FER1L6: variants seen among roughly 807,000 people sequenced by gnomAD.
FER1L6 encodes fer-1 like family member 6.
In FER1L6, 177 loss-of-function variants were observed where a neutral mutation model predicts 219.2. The ratio of observed to expected loss-of-function variants is 0.81; its 90% CI spans 0.71 to 0.91. The LOEUF (loss-of-function observed/expected upper bound fraction) is 0.91. Among genes scored for constraint, FER1L6 ranks in the 40% least tolerant of loss-of-function variants. The pLI is 0.00. For missense variants in FER1L6, 2,153 were observed against 2,259.9 expected (o/e 0.95, Z 0.96); for synonymous variants, 768 against 824.3 (o/e 0.93, Z 1.17).
intron 25 of FER1L6, among the ~76,000 whole-genome samples, 174 bp downstream of exon 25, chr8:124,062,206 C>T (rs1820618106): frequency 6.6e-6 from 1 of 152,182 alleles, no homozygotes. Flanking sequence ...CACATTCTTA[C>T]TTTGACTCAC....
intron 1 of FER1L6, among the ~76,000 whole-genome samples, chr8:123,944,184 A>G (rs1454506467): frequency 6.6e-6 from 1 of 152,040 alleles, no homozygotes; most frequent in Non-Finnish European, 1.5e-5. Context: ...TACATGCTCA[A>G]TGAATGGTAG....
intron 22 of FER1L6, among the ~76,000 whole-genome samples, chr8:124,059,726 G>T (rs1413780168): frequency 6.6e-6 from 1 of 152,210 alleles, no homozygotes; most frequent in Non-Finnish European, 1.5e-5. Flanking sequence ...TGTAGTAGTA[G>T]TATTAGTATT....
At chr8:124,091,786 G>A (rs573772960) in intron 34 of FER1L6, among the ~76,000 whole-genome samples, 1 of 151,978 alleles carries the variant, frequency 6.6e-6, no homozygotes, top group African/African-American at 2.4e-5. Flanking sequence ...GGCCAACATG[G>A]TGAAACCCCA....
At chr8:123,914,390 G>A (rs1436553690) in intron 1 of FER1L6, among the ~76,000 whole-genome samples, 1 of 152,242 alleles carries the variant, frequency 6.6e-6, no homozygotes, top group Non-Finnish European at 1.5e-5. Context: ...ATATACGTCA[G>A]TGGGTGGGGA....
chr8:123,931,921 A>T (rs984487417), intron 1 of FER1L6, among the ~76,000 whole-genome samples: 24 of 152,354 alleles, frequency 1.6e-4, no homozygotes, highest in African/African-American at 5.8e-4. Context: ...ATTTTAAAAA[A>T]TATCTTACAA....
At chr8:124,004,677 T>G (rs1173680888) in intron 13 of FER1L6, among the ~76,000 whole-genome samples, 1 of 152,124 alleles carries the variant, frequency 6.6e-6, no homozygotes, top group Non-Finnish European at 1.5e-5. Context: ...CCCACCATTC[T>G]GAGTCCTCCA....
intron 1 of FER1L6, among the ~76,000 whole-genome samples, chr8:123,892,703 G>T (rs752312184): frequency 2.5e-4 from 38 of 152,186 alleles, no homozygotes; most frequent in Non-Finnish European, 2.9e-4. Flanking sequence ...CTAAACAAAT[G>T]ACTATTTTAT....
intron 1 of FER1L6, among the ~76,000 whole-genome samples, chr8:123,904,719 C>T (rs1314309492): frequency 2.0e-5 from 3 of 152,132 alleles, no homozygotes; most frequent in African/African-American, 4.8e-5. Flanking sequence ...GTCTAAGTGG[C>T]CTCTGAGATC....
intron 13 of FER1L6, among the ~76,000 whole-genome samples, chr8:124,009,437 C>A (rs1402006840): frequency 2.6e-5 from 4 of 151,538 alleles, no homozygotes; most frequent in Non-Finnish European, 5.9e-5. Context: ...AGCTGGAGCC[C>A]AGGGGAGGAG....
intron 1 of FER1L6, among the ~76,000 whole-genome samples, chr8:123,872,327 A>G (rs1392535232): frequency 6.6e-6 from 1 of 152,190 alleles, no homozygotes; most frequent in African/African-American, 2.4e-5. Flanking sequence ...TTCTAGTCTC[A>G]TTGTGAGAAA....
rs1311560076 is a variant in FER1L6, at chr8:123,853,601, G to A, written c.-8+1416G>A. On this transcript the variant is annotated intron_variant, in intron 1 of 40. Coordinates refer to ENST00000522917, the MANE Select transcript of FER1L6 (RefSeq NM_001039112.2). The surrounding 1 kb of genome is among the most constrained non-coding windows in gnomAD (Gnocchi z 6.6). ...TATTAATCAGGGGAGATTTTACAAG[G>A]GTGGATGAGTAGAGAAAAAGGGGTA... Among the ~76,000 whole-genome samples, 1 of 152,166 alleles carries A rather than the reference G, an allele frequency of 6.6e-6. No homozygotes were observed. The highest frequency in any genetic ancestry group is 2.1e-4 in the South Asian group (1 of 4,834).
chr8:123,974,835 A>G (rs1446373016), intron 7 of FER1L6, among the ~76,000 whole-genome samples: 1 of 152,042 alleles, frequency 6.6e-6, no homozygotes, highest in East Asian at 1.9e-4. Context: ...AATAATACGT[A>G]TGTGACTTCT....
intron 18 of FER1L6, among the ~76,000 whole-genome samples, chr8:124,027,349 T>C (rs34402561): frequency 0.59 from 89,838 of 151,990 alleles, 27,088 homozygotes; most frequent in African/African-American, 0.67. Flanking sequence ...TTCATCCTAT[T>C]TTTCATTCAT....
At chr8:123,954,273 C>G (rs1038328738) in intron 1 of FER1L6, among the ~76,000 whole-genome samples, 1 of 152,086 alleles carries the variant, frequency 6.6e-6, no homozygotes, top group Non-Finnish European at 1.5e-5. Context: ...CTGGGCCAGT[C>G]CCCCCTTCTG....
rs142128406 is a variant in FER1L6, at chr8:123,915,251, A to G, written c.-7-40741A>G. On this transcript the variant is annotated intron_variant, in intron 1 of 40. Transcript: ENST00000522917. ...ATTGGCCTCACTCACAGACTTGTTTAGGAAGCTCTGCTGGGGTTAAAACTT... is the reference window on the plus strand; with the variant it reads ...ATTGGCCTCACTCACAGACTTGTTTGGGAAGCTCTGCTGGGGTTAAAACTT... Among the ~76,000 whole-genome samples, 161 of 152,272 alleles carry G rather than the reference A, an allele frequency of 1.1e-3. 1 individual carries two copies. The East Asian group carries it at 0.028, about 27-fold the overall frequency.
At chr8:123,903,181 A>C (rs1812890044) in intron 1 of FER1L6, among the ~76,000 whole-genome samples, 1 of 152,226 alleles carries the variant, frequency 6.6e-6, no homozygotes, top group Non-Finnish European at 1.5e-5. Flanking sequence ...TTGCGGCTGC[A>C]GCATTTACAC....
At chr8:124,048,143 G>T (rs901093086) in intron 21 of FER1L6, among the ~76,000 whole-genome samples, 1 of 152,198 alleles carries the variant, frequency 6.6e-6, no homozygotes, top group Admixed American at 6.5e-5. Context: ...TTCAAGTGTG[G>T]TTGAACAAAA....
chr8:124,041,207 C>T (rs1365689180), intron 20 of FER1L6, among the ~76,000 whole-genome samples: 1 of 152,194 alleles, frequency 6.6e-6, no homozygotes, highest in Admixed American at 6.5e-5. Flanking sequence ...AGCTCATCTC[C>T]TCTTTGGCTG....
chr8:124,069,153 GT>G (rs1477256965), intron 28 of FER1L6, among the ~76,000 whole-genome samples: 2 of 151,746 alleles, frequency 1.3e-5, no homozygotes, highest in Non-Finnish European at 2.9e-5. Context: ...AGCCAGGATG[GT>G]CTCGATCTCC....
Sources: allele counts gnomAD v4.1 joint callset (sites outside exome capture counted in the v4.1 genomes callset), GRCh38; gene constraint gnomAD v4.1.1; non-coding constraint Gnocchi (gnomAD v3.1); transcripts MANE v1.5; gene names NCBI Gene and HGNC (gene_info 2026-07-23, HGNC 2026-07-21).